RP1: variants seen among roughly 807,000 people sequenced by gnomAD.
RP1 encodes the protein oxygen-regulated protein 1.
Under a neutral mutation model 14.8 loss-of-function variants are expected in RP1, and 16 were observed. That is an observed-to-expected ratio of 1.08 (90% CI 0.73 to 1.65). The LOEUF is 1.65. RP1 is among the 40% of genes most tolerant of loss of function. The probability of loss-of-function intolerance (pLI) is 0.00; values close to 1 mark genes in which losing one functional copy is unlikely to be tolerated. For missense variants in RP1, 2,631 were observed against 2,535.0 expected (o/e 1.04, Z -0.81); for synonymous variants, 876 against 883.6 (o/e 0.99, Z 0.15).
intron 1 of RP1, among the ~76,000 whole-genome samples, chr8:54,597,767 A>G (rs1422816301): frequency 6.6e-6 from 1 of 152,214 alleles, no homozygotes; most frequent in Non-Finnish European, 1.5e-5. Flanking sequence ...CCATTTATAT[A>G]AAATGTCCAG....
intron 17 of RP1, among the ~76,000 whole-genome samples, chr8:54,729,474 G>A (rs920129418): frequency 1.3e-5 from 2 of 152,014 alleles, no homozygotes; most frequent in African/African-American, 4.8e-5. Context: ...CTTAAAAACA[G>A]CAGTCAGTAA....
At chr8:54,674,831 A>G (rs1200294988) in intron 8 of RP1, among the ~76,000 whole-genome samples, 6 of 152,172 alleles carry the variant, frequency 3.9e-5, no homozygotes, top group African/African-American at 2.4e-5. Flanking sequence ...GACAAAATGT[A>G]TCTATATTTT....
chr8:54,662,844 C>T (rs1200611373), intron 6 of RP1, among the ~76,000 whole-genome samples: 1 of 152,164 alleles, frequency 6.6e-6, no homozygotes, highest in Non-Finnish European at 1.5e-5. Flanking sequence ...CTGTTCTATG[C>T]ATTCTGTCAA....
chr8:54,603,069 T>G (rs189138895), intron 1 of RP1, among the ~76,000 whole-genome samples: 1 of 152,218 alleles, frequency 6.6e-6, no homozygotes, highest in Non-Finnish European at 1.5e-5. Context: ...ATTTTTGTTT[T>G]TGTTGCCATT....
Position 54,621,464 on chromosome 8 carries a change from G to C in RP1, c.498G>C (p.Thr166=), listed in dbSNP as rs267601947. The C allele has an allele frequency of 1.9e-6, 3 of 1,614,006 alleles. No individual in the cohort carries two copies. Among genetic ancestry groups the C allele is most frequent in the Non-Finnish European group, 2.5e-6 (3 of 1,180,022 alleles). Residue 166 remains threonine, a synonymous_variant, in exon 2 of 4, where the codon ACG becomes ACC. Coordinates refer to ENST00000220676, the MANE Select transcript of RP1 (RefSeq NM_006269.2). The stretch of plus-strand genomic sequence containing the variant: ...TCTTCAGGAATGGCGACCCGAAGAC[G>C]AGGCGTGCGGTTCTTCTGAGCAGGA... ...LVVFRNGDPK[T]RRAVLLSRRV... is the part of the protein sequence containing the mutation.
chr8:54,788,491 A>G (rs1483918287), intron 24 of RP1, among the ~76,000 whole-genome samples: 1 of 151,412 alleles, frequency 6.6e-6, no homozygotes, highest in Non-Finnish European at 1.5e-5. Flanking sequence ...TTTTTTAGGA[A>G]TCCTAAAACT....
chr8:54,563,588 C>T (rs1006079847), intron 1 of RP1, among the ~76,000 whole-genome samples: 1 of 151,994 alleles, frequency 6.6e-6, no homozygotes, highest in Non-Finnish European at 1.5e-5. Flanking sequence ...TTGTTCCTCC[C>T]AGGCTGGAAT....
At chr8:54,844,658 C>T (rs747557230) in intron 25 of RP1, among the ~76,000 whole-genome samples, 1 of 152,202 alleles carries the variant, frequency 6.6e-6, no homozygotes, top group Non-Finnish European at 1.5e-5. Flanking sequence ...GCACATCTCT[C>T]TAGGTAAAGT....
At chr8:54,694,724 G>A (rs1479910621) in intron 12 of RP1, among the ~76,000 whole-genome samples, 1 of 151,710 alleles carries the variant, frequency 6.6e-6, no homozygotes, top group Non-Finnish European at 1.5e-5. Context: ...TTTTTTATTA[G>A]TCTTGCTAGC....
intron 23 of RP1, among the ~76,000 whole-genome samples, chr8:54,782,872 C>A (rs1810222725): frequency 6.6e-6 from 1 of 152,078 alleles, no homozygotes; most frequent in African/African-American, 2.4e-5. Flanking sequence ...CAGCAGGAAG[C>A]TCAATGATCC....
chr8:54,804,358 C>G (rs557121303), intron 24 of RP1, among the ~76,000 whole-genome samples: 2 of 152,124 alleles, frequency 1.3e-5, no homozygotes, highest in Admixed American at 1.3e-4. Context: ...TTCCAAATGA[C>G]GTTAAGGCCC....
chr8:54,627,643 T>C lies in RP1; in HGVS notation c.3761T>C (p.Val1254Ala). 1.9e-6 allele frequency: 3 copies of C among 1,614,200 alleles called. No individual in the cohort carries two copies. Among genetic ancestry groups the C allele is most frequent in the South Asian group, 2.2e-5 (2 of 91,084 alleles). Residue 1254 changes from valine (V) to alanine (A), a missense_variant, in exon 4 of 4, where the codon GTG becomes GCG. Physicochemically the swap from Val to Ala is moderately conservative, Grantham distance 64. Transcript: ENST00000220676. ...GCCCCTGAAGTCTGTGTTTTGGAAG[T>C]GACTTGCTCTCCATGTGAGATGTGC... ...ACAPEVCVLE[V>A]TCSPCEMCTV...
At chr8:54,567,721 G>C (rs1235761397) in intron 1 of RP1, among the ~76,000 whole-genome samples, 1 of 152,174 alleles carries the variant, frequency 6.6e-6, no homozygotes, top group Non-Finnish European at 1.5e-5. Context: ...TGGGTCCTCT[G>C]AAGCATTTCT....
At chr8:54,817,077 A>C (rs754458815) in intron 24 of RP1, among the ~76,000 whole-genome samples, 4 of 152,008 alleles carry the variant, frequency 2.6e-5, no homozygotes, top group Non-Finnish European at 5.9e-5. Context: ...GTCTCTTCAG[A>C]GGACTGAGCA....
At chr8:54,641,184 A>G (rs1477760686) in intron 3 of RP1, among the ~76,000 whole-genome samples, 2 of 152,072 alleles carry the variant, frequency 1.3e-5, no homozygotes, top group Admixed American at 6.5e-5. Context: ...TGACCTTGTG[A>G]TCTGCCCTCC....
At chr8:54,858,181 A>G (rs1364982185) in intron 27 of RP1, among the ~76,000 whole-genome samples, 3 of 152,240 alleles carry the variant, frequency 2.0e-5, no homozygotes, top group Non-Finnish European at 4.4e-5. Flanking sequence ...AAGTGGCCAT[A>G]GTGACAGAAA....
intron 4 of RP1, chr8:54,652,750 A>G: frequency 6.8e-7 from 1 of 1,478,844 alleles, no homozygotes; most frequent in Non-Finnish European, 9.1e-7. Flanking sequence ...GTGAAATTAC[A>G]TTGAAAGTTG....
intron 12 of RP1, among the ~76,000 whole-genome samples, chr8:54,685,035 T>C (rs1390623938): frequency 6.6e-6 from 1 of 152,176 alleles, no homozygotes; most frequent in Non-Finnish European, 1.5e-5. Flanking sequence ...CTATGCATGC[T>C]GGGCTTAATA....
chr8:54,665,437 C>T (rs1806995333), intron 7 of RP1, among the ~76,000 whole-genome samples: 1 of 152,112 alleles, frequency 6.6e-6, no homozygotes, highest in South Asian at 2.1e-4. Context: ...TAGGGTGTGC[C>T]AAGTCCTGTC....
Sources: allele counts gnomAD v4.1 joint callset (sites outside exome capture counted in the v4.1 genomes callset), GRCh38; gene constraint gnomAD v4.1.1; transcripts MANE v1.5; gene names NCBI Gene and HGNC (gene_info 2026-07-23, HGNC 2026-07-21).